ATP9B: variants seen among roughly 807,000 people sequenced by gnomAD.
The protein encoded by ATP9B is probable phospholipid-transporting ATPase IIB.
In ATP9B, 110 loss-of-function variants were observed where a neutral mutation model predicts 146.1. The observed-to-expected ratio is 0.75, with a 90% CI of 0.65 to 0.88. The LOEUF (loss-of-function observed/expected upper bound fraction) is 0.88. Ranked by LOEUF, ATP9B falls within the 40% of genes least tolerant of loss-of-function variation. ATP9B has a pLI of 0.00. For synonymous variants in ATP9B, 604 were observed against 569.7 expected, an observed-to-expected ratio of 1.06 and a Z score of -0.86; for missense variants, 1,499 against 1,496.4, an observed-to-expected ratio of 1.00 and a Z score of -0.03.
chr18:79,274,252 A>G (rs2096283857), intron 12 of ATP9B, among the ~76,000 whole-genome samples: 2 of 152,222 alleles, frequency 1.3e-5, no homozygotes, highest in South Asian at 2.1e-4. Flanking sequence ...AAATTAGAAC[A>G]TTACTAAAAA....
chr18:79,149,135 G>A (rs928090779), intron 6 of ATP9B, among the ~76,000 whole-genome samples: 3 of 152,100 alleles, frequency 2.0e-5, no homozygotes, highest in African/African-American at 7.2e-5. Flanking sequence ...TCTCAGCAGG[G>A]TTTTTTTCTT....
At chr18:79,204,525 C>A (rs117269208) in intron 9 of ATP9B, among the ~76,000 whole-genome samples, 4,901 of 152,104 alleles carry the variant, frequency 0.032, 116 homozygotes, top group Non-Finnish European at 0.042. Context: ...AATATATATC[C>A]TTAGTATTTT....
chr18:79,102,254 T>TA (rs2075335206), intron 2 of ATP9B, among the ~76,000 whole-genome samples: 1 of 152,244 alleles, frequency 6.6e-6, no homozygotes, highest in South Asian at 2.1e-4. Context: ...TTGCTTTTGT[T>TA]ACTTTTGTGA....
At chr18:79,220,604 A>G (rs1010353171) in intron 11 of ATP9B, among the ~76,000 whole-genome samples, 41 of 152,306 alleles carry the variant, frequency 2.7e-4, no homozygotes, top group African/African-American at 9.1e-4. Flanking sequence ...CTGTCTCATT[A>G]AGAAAAAATA....
chr18:79,317,248 A>G (rs186225911), intron 15 of ATP9B, among the ~76,000 whole-genome samples: 3 of 152,358 alleles, frequency 2.0e-5, no homozygotes, highest in Non-Finnish European at 4.4e-5. Flanking sequence ...AAGTTCTGAA[A>G]AAAATGATAA....
chr18:79,126,463 A>T, intron 5 of ATP9B, 88 bp downstream of exon 5: 1 of 898,702 alleles, frequency 1.1e-6, no homozygotes, highest in African/African-American at 1.7e-5. Context: ...AAAACATTTT[A>T]ATTCTATTAT....
rs578040053 is a variant in ATP9B at position 79,249,182 on chromosome 18, A to T, written c.1108-4199A>T. ...ATTATTTTACTGAGAACCATTAGCTATTTAAAACTTGGTACATAAATTAAA... is the reference window on the plus strand; with the variant it reads ...ATTATTTTACTGAGAACCATTAGCTTTTTAAAACTTGGTACATAAATTAAA... On this transcript the variant is annotated intron_variant, in intron 11 of 29. Coordinates refer to ENST00000426216, the MANE Select transcript of ATP9B (RefSeq NM_198531.5). Among the ~76,000 whole-genome samples, 3 of 152,266 alleles carry T rather than the reference A, an allele frequency of 2.0e-5. 1 individual carries two copies. In the East Asian group the frequency reaches 5.8e-4, roughly 29 times the overall value.
chr18:79,128,728 AGTG>A (rs1461081402), intron 5 of ATP9B, among the ~76,000 whole-genome samples: 1 of 152,196 alleles, frequency 6.6e-6, no homozygotes, highest in East Asian at 1.9e-4. Flanking sequence ...AAATAACTAG[AGTG>A]GTGATGGCAG....
intron 10 of ATP9B, among the ~76,000 whole-genome samples, chr18:79,208,773 G>A (rs1032092958): frequency 2.0e-5 from 3 of 148,198 alleles, no homozygotes; most frequent in South Asian, 2.1e-4. Flanking sequence ...ATAAACATAC[G>A]TATATAAATT....
intron 5 of ATP9B, among the ~76,000 whole-genome samples, chr18:79,140,671 T>C (rs2094502747): frequency 6.6e-6 from 1 of 151,830 alleles, no homozygotes; most frequent in African/African-American, 2.4e-5. Context: ...ATCCAGCTAC[T>C]TGGGAGGCTG....
At chr18:79,082,097 G>A (rs1252351150) in intron 1 of ATP9B, among the ~76,000 whole-genome samples, 1 of 152,102 alleles carries the variant, frequency 6.6e-6, no homozygotes, top group African/African-American at 2.4e-5. Flanking sequence ...TGGAGGCTTT[G>A]TTCATTCCTT....
At chr18:79,077,476 T>C (rs2072755911) in intron 1 of ATP9B, among the ~76,000 whole-genome samples, 1 of 152,206 alleles carries the variant, frequency 6.6e-6, no homozygotes, top group South Asian at 2.1e-4. Context: ...TGGTGTTACC[T>C]TTTAGAAGGT....
chr18:79,125,383 TAGGACACTTG>T (rs1361420136), intron 4 of ATP9B, among the ~76,000 whole-genome samples: 2 of 152,148 alleles, frequency 1.3e-5, no homozygotes, highest in African/African-American at 4.8e-5. Flanking sequence ...GGTTTTCAAA[TAGGACACTTG>T]AGAAAAATAC....
In ATP9B at chr18:79,221,104, A is replaced by T. The variant is rs118187425; in HGVS notation, c.1107+7066A>T. Among the ~76,000 whole-genome samples, 9 of 152,360 alleles carry T rather than the reference A, an allele frequency of 5.9e-5. No homozygotes were observed. In the East Asian group the frequency reaches 1.7e-3, roughly 29 times the overall value. The stretch of plus-strand genomic sequence containing the variant: ...TGTGTTGCTGTTCCCTGACTCTAGC[A>T]GAGGGTGTAAAGCCCATAAGACTGT... On this transcript the variant is annotated intron_variant, in intron 11 of 29. Coordinates refer to ENST00000426216, the MANE Select transcript of ATP9B (RefSeq NM_198531.5).
chr18:79,243,893 G>C (rs2095913608), intron 11 of ATP9B, among the ~76,000 whole-genome samples: 1 of 152,100 alleles, frequency 6.6e-6, no homozygotes, highest in Non-Finnish European at 1.5e-5. Context: ...TGTTATACTT[G>C]TTGGCATGCC....
intron 9 of ATP9B, among the ~76,000 whole-genome samples, chr18:79,206,207 T>A (rs1231540487): frequency 6.6e-6 from 1 of 152,216 alleles, no homozygotes; most frequent in Non-Finnish European, 1.5e-5. Flanking sequence ...CCCAAAGTGC[T>A]GGGATTACAG....
At chr18:79,128,146 T>A (rs1401526011) in intron 5 of ATP9B, among the ~76,000 whole-genome samples, 1 of 136,934 alleles carries the variant, frequency 7.3e-6, no homozygotes, top group Admixed American at 8.0e-5. Flanking sequence ...TGCTACCTCC[T>A]CCTCCCGGGT....
At chr18:79,354,284 AAAAC>A (rs999297728) in intron 25 of ATP9B, 57 of 152,240 alleles carry the variant, frequency 3.7e-4, no homozygotes, top group Admixed American at 1.2e-3. Flanking sequence ...AACAACAAAA[AAAAC>A]CCCAGCCAAG....
chr18:79,096,453 C>A, intron 1 of ATP9B, 23 bp from the exon 2 acceptor site: 1 of 1,610,296 alleles, frequency 6.2e-7, no homozygotes, highest in Non-Finnish European at 8.5e-7. Context: ...CCTATCTCAG[C>A]ACTCCATTTT....
Sources: gnomAD v4.1 joint callset for allele counts (sites outside exome capture counted in the v4.1 genomes callset) on GRCh38, gnomAD v4.1.1 for gene constraint, MANE v1.5 for transcripts, NCBI Gene and HGNC (gene_info 2026-07-23, HGNC 2026-07-21) for gene names.